TUSC3: variants seen among roughly 807,000 people sequenced by gnomAD.
The protein encoded by TUSC3 is dolichyl-diphosphooligosaccharide--protein glycosyltransferase subunit TUSC3.
A neutral mutation model predicts 44.8 loss-of-function variants in TUSC3; 45 were observed. That is an observed-to-expected ratio of 1.00 (90% CI 0.79 to 1.29). TUSC3 has a LOEUF of 1.29. Among genes scored for constraint, TUSC3 ranks in the 50% most tolerant of loss-of-function variants. TUSC3 has a pLI of 0.00. For synonymous variants in TUSC3, 212 were observed against 152.9 expected, an observed-to-expected ratio of 1.39 and a Z score of -2.85; for missense variants, 519 against 437.9, an observed-to-expected ratio of 1.19 and a Z score of -1.65.
chr8:15,819,002 T>A, the TUSC3 span, among the ~76,000 whole-genome samples: 1 of 152,208 alleles, frequency 6.6e-6, no homozygotes, highest in African/African-American at 2.4e-5. Context: ...GGCAGGAGGA[T>A]CACTTGAGGC....
chr8:15,783,720 G>C, the TUSC3 span, among the ~76,000 whole-genome samples: 1 of 152,070 alleles, frequency 6.6e-6, no homozygotes, highest in Non-Finnish European at 1.5e-5. Flanking sequence ...ATTCAAAATG[G>C]ATTAAACATA....
intron 1 of TUSC3, among the ~76,000 whole-genome samples, chr8:15,545,563 G>A (rs564456625): frequency 6.6e-6 from 1 of 151,728 alleles, no homozygotes; most frequent in African/African-American, 2.4e-5. Flanking sequence ...TTAGCAAGTT[G>A]TGTTAGAAAC....
At chr8:15,771,223 C>T (rs12375434), downstream of TUSC3, among the ~76,000 whole-genome samples, 116,144 of 151,588 alleles carry the variant, frequency 0.77, 44,669 homozygotes, top group Admixed American at 0.8. Flanking sequence ...AGACCTATAC[C>T]ATAAAACATG....
chr8:15,617,120 A>ATTGTGTGTGTGTGTGTGTGTG (rs1554460215), intron 1 of TUSC3, among the ~76,000 whole-genome samples: 2 of 123,720 alleles, frequency 1.6e-5, no homozygotes, highest in African/African-American at 3.3e-5. Context: ...TATCTGTAAA[A>ATTGTGTGTGTGTGTGTGTGTG]TGTGTGTGTG....
chr8:15,842,434 C>A, the TUSC3 span, among the ~76,000 whole-genome samples: 1 of 152,180 alleles, frequency 6.6e-6, no homozygotes, highest in Non-Finnish European at 1.5e-5. Context: ...AAAGCCTTGA[C>A]ATGTTTTTCA....
chr8:15,690,842 C>T (rs1279356027), intron 6 of TUSC3, among the ~76,000 whole-genome samples: 1 of 151,596 alleles, frequency 6.6e-6, no homozygotes. Context: ...GCTCCTTATT[C>T]TGTTCCATTG....
intron 1 of TUSC3, among the ~76,000 whole-genome samples, chr8:15,570,953 A>ATTTTTTTTTTTTTTTTTTTTTTT: frequency 4.1e-5 from 1 of 24,362 alleles, no homozygotes; most frequent in Admixed American, 3.7e-4. Context: ...ATTGCCTATT[A>ATTTTTTTTTTTTTTTTTTTTTTT]GTTTTTTTTT....
At chr8:15,483,233 T>C (rs938780659) in intron 1 of TUSC3, among the ~76,000 whole-genome samples, 4 of 152,220 alleles carry the variant, frequency 2.6e-5, no homozygotes, top group Non-Finnish European at 5.9e-5. Flanking sequence ...TACTTCTAAT[T>C]TTCAGGCAAA....
intron 1 of TUSC3, among the ~76,000 whole-genome samples, chr8:15,443,321 A>C (rs1312962456): frequency 1.4e-5 from 2 of 144,616 alleles, no homozygotes; most frequent in Non-Finnish European, 3.0e-5. Context: ...GGTATACAAC[A>C]CCACACCCAC....
intron 6 of TUSC3, among the ~76,000 whole-genome samples, chr8:15,692,640 A>T (rs1156972205): frequency 6.8e-6 from 1 of 147,412 alleles, no homozygotes; most frequent in Non-Finnish European, 1.5e-5. Flanking sequence ...GCATAGAGGT[A>T]TTTGTAGTAG....
chr8:15,731,999 G>C (rs529278785), intron 7 of TUSC3, among the ~76,000 whole-genome samples: 45 of 152,220 alleles, frequency 3.0e-4, no homozygotes, highest in Non-Finnish European at 5.6e-4. Context: ...AGACTTCCTC[G>C]TTTGTAAAAT....
At chr8:15,432,575 T>C (rs1482434065) in intron 1 of TUSC3, among the ~76,000 whole-genome samples, 1 of 152,196 alleles carries the variant, frequency 6.6e-6, no homozygotes, top group African/African-American at 2.4e-5. Context: ...TTTTTCTTGA[T>C]AATGAGACAT....
chr8:15,510,920 T>C (rs918619356), intron 2 of TUSC3, among the ~76,000 whole-genome samples: 1 of 152,208 alleles, frequency 6.6e-6, no homozygotes, highest in African/African-American at 2.4e-5. Flanking sequence ...GGTTTACTTG[T>C]TGAAAAATCA....
intron 10 of TUSC3, among the ~76,000 whole-genome samples, chr8:15,758,469 G>T (rs1480215827): frequency 1.3e-5 from 2 of 151,474 alleles, no homozygotes; most frequent in African/African-American, 4.9e-5. Context: ...CCAGTTTTTT[G>T]ATTCCACACT....
intron 1 of TUSC3, among the ~76,000 whole-genome samples, chr8:15,456,803 C>T (rs1384200971): frequency 3.9e-5 from 6 of 151,986 alleles, no homozygotes; most frequent in Admixed American, 3.9e-4. Context: ...GAAAAAAACT[C>T]AACGACAACT....
intron 1 of TUSC3, among the ~76,000 whole-genome samples, chr8:15,479,192 C>G (rs1800624885): frequency 6.6e-6 from 1 of 152,020 alleles, no homozygotes; most frequent in South Asian, 2.1e-4. Context: ...AGACCTTTGT[C>G]AGATGGGTAG....
the TUSC3 span, among the ~76,000 whole-genome samples, chr8:15,838,859 T>C: frequency 1.3e-5 from 2 of 152,182 alleles, no homozygotes; most frequent in Admixed American, 6.5e-5. Context: ...TGGTTCCATA[T>C]GAACTTTAAA....
intron 8 of TUSC3, among the ~76,000 whole-genome samples, chr8:15,748,126 T>C (rs775454489): frequency 4.6e-5 from 7 of 152,074 alleles, no homozygotes; most frequent in Non-Finnish European, 1.0e-4. Flanking sequence ...TCAGTCAATT[T>C]TGTTGTTTTC....
At chr8:15,515,153 C>T (rs906650479) in intron 2 of TUSC3, among the ~76,000 whole-genome samples, 2 of 152,004 alleles carry the variant, frequency 1.3e-5, no homozygotes, top group African/African-American at 4.8e-5. Context: ...AGTCTTCTGA[C>T]TTTCTCCTTC....
Sources: allele counts gnomAD v4.1 joint callset (sites outside exome capture counted in the v4.1 genomes callset), GRCh38; gene constraint gnomAD v4.1.1; transcripts MANE v1.5; gene names NCBI Gene and HGNC (gene_info 2026-07-23, HGNC 2026-07-21).